Variants in CRADD observed in about 807,000 individuals in gnomAD.
The protein encoded by CRADD is CARD and death domain containing adaptor protein.
In CRADD, 9 loss-of-function variants were observed where a neutral mutation model predicts 15.5. The observed-to-expected ratio is 0.58, with a 90% CI of 0.35 to 1.01. The LOEUF (loss-of-function observed/expected upper bound fraction) is 1.01. Ranked by LOEUF, CRADD falls within the 50% of genes least tolerant of loss-of-function variation. The pLI, the probability that CRADD is intolerant of heterozygous loss-of-function variation, is 0.02. For missense variants in CRADD, 227 were observed against 250.3 expected (o/e 0.91, Z 0.63); for synonymous variants, 118 against 107.6 (o/e 1.10, Z -0.60).
chr12:93,840,745 T>C (rs1958037703), intron 2 of CRADD, among the ~76,000 whole-genome samples: 1 of 152,086 alleles, frequency 6.6e-6, no homozygotes, highest in Non-Finnish European at 1.5e-5. Flanking sequence ...TTTGTAATTT[T>C]AGTGGAGACG....
At chr12:93,791,212 T>C (rs1350414498) in intron 2 of CRADD, among the ~76,000 whole-genome samples, 13 of 152,148 alleles carry the variant, frequency 8.5e-5, no homozygotes, top group African/African-American at 2.9e-4. Flanking sequence ...AAGAGATAGC[T>C]GCACTGCCAT....
intron 2 of CRADD, among the ~76,000 whole-genome samples, chr12:93,892,064 AG>A (rs1958579801): frequency 6.6e-6 from 1 of 152,168 alleles, no homozygotes; most frequent in Admixed American, 6.5e-5. Context: ...CACTTTGCAA[AG>A]GAGAACAGAG....
At chr12:93,749,596 ATT>A (rs942788642) in intron 2 of CRADD, among the ~76,000 whole-genome samples, 9 of 151,232 alleles carry the variant, frequency 6.0e-5, no homozygotes, top group Non-Finnish European at 1.3e-4. Flanking sequence ...TTTCCTCTTT[ATT>A]TTTTAGGTTT....
chr12:93,821,793 T>C (rs1376197126), intron 2 of CRADD, among the ~76,000 whole-genome samples: 1 of 152,052 alleles, frequency 6.6e-6, no homozygotes, highest in Non-Finnish European at 1.5e-5. Context: ...GTCAGTTGGG[T>C]TTCCACTCTT....
At chr12:93,873,098 T>C (rs1350385929) in intron 2 of CRADD, among the ~76,000 whole-genome samples, 4 of 152,124 alleles carry the variant, frequency 2.6e-5, no homozygotes, top group Non-Finnish European at 5.9e-5. Flanking sequence ...CAGTGTTTTA[T>C]AGTTTTCATT....
intron 2 of CRADD, among the ~76,000 whole-genome samples, chr12:93,700,886 A>G (rs755014447): frequency 2.6e-5 from 4 of 151,922 alleles, no homozygotes; most frequent in Non-Finnish European, 5.9e-5. Context: ...TTTTTTCAGG[A>G]AGCCTTCCCA....
At chr12:93,749,466 C>T (rs971943948) in intron 2 of CRADD, among the ~76,000 whole-genome samples, 1 of 152,158 alleles carries the variant, frequency 6.6e-6, no homozygotes, top group Admixed American at 6.5e-5. Context: ...CAGAAGAGTC[C>T]ACTTTGCCTC....
intron 2 of CRADD, among the ~76,000 whole-genome samples, chr12:93,722,766 A>G (rs113935722): frequency 0.016 from 2,375 of 152,236 alleles, 70 homozygotes; most frequent in African/African-American, 0.055. Flanking sequence ...AATTAACCAT[A>G]GTTGTTTTAA....
intron 2 of CRADD, among the ~76,000 whole-genome samples, chr12:93,720,736 C>T (rs184767440): frequency 6.6e-6 from 1 of 152,218 alleles, no homozygotes; most frequent in Non-Finnish European, 1.5e-5. Context: ...GCTACTCCCA[C>T]TTGCTTTTGA....
intron 2 of CRADD, among the ~76,000 whole-genome samples, chr12:93,747,374 G>A (rs1381435644): frequency 1.3e-5 from 2 of 152,078 alleles, no homozygotes; most frequent in South Asian, 2.1e-4. Context: ...ACAGGGAGAC[G>A]GGAAAGCAAG....
chr12:93,839,194 T>G (rs1026928960), intron 2 of CRADD, among the ~76,000 whole-genome samples: 4 of 152,190 alleles, frequency 2.6e-5, no homozygotes, highest in African/African-American at 9.7e-5. Context: ...TGCTGTTTTG[T>G]ATTTCTATAT....
intron 2 of CRADD, among the ~76,000 whole-genome samples, chr12:93,774,070 A>G (rs1957116601): frequency 1.3e-5 from 2 of 149,822 alleles, no homozygotes; most frequent in African/African-American, 4.9e-5. Flanking sequence ...TCCTGGGCTC[A>G]AGTGATCCAC....
intron 2 of CRADD, among the ~76,000 whole-genome samples, chr12:93,716,662 G>A (rs1956169404): frequency 6.6e-6 from 1 of 152,034 alleles, no homozygotes; most frequent in Admixed American, 6.5e-5. Context: ...TCTTTTACTT[G>A]GCAATATGCA....
In CRADD at chr12:93,824,473, G is replaced by C. The variant is rs1008716778; in HGVS notation, c.299-25497G>C. On this transcript the variant is annotated intron_variant, in intron 2 of 2. Coordinates refer to ENST00000332896, the MANE Select transcript of CRADD (RefSeq NM_003805.5). The surrounding 1 kb of genome is among the most constrained non-coding windows in gnomAD (Gnocchi z 4.3). ...GAAGCAGGCTAAAAGAATATTACAT[G>C]GGGTTTTTGTGTTGTTTTGCTTATT... Among the ~76,000 whole-genome samples the C allele has an allele frequency of 5.9e-5, 9 of 151,656 alleles. No homozygotes were observed. Among genetic ancestry groups the C allele is most frequent in the African/African-American group, 2.2e-4 (9 of 41,236 alleles).
At chr12:93,715,923 C>A (rs962626555) in intron 2 of CRADD, among the ~76,000 whole-genome samples, 2 of 152,054 alleles carry the variant, frequency 1.3e-5, no homozygotes, top group African/African-American at 4.8e-5. Context: ...GGGGGGATCG[C>A]TTGAGGTCAG....
intron 2 of CRADD, among the ~76,000 whole-genome samples, chr12:93,727,124 GA>G (rs775427380): frequency 2.3e-4 from 35 of 152,208 alleles, no homozygotes; most frequent in Non-Finnish European, 4.6e-4. Context: ...AGATCGCCCT[GA>G]TTGAGCATTT....
At chr12:93,790,256 C>T (rs1052217640) in intron 2 of CRADD, among the ~76,000 whole-genome samples, 4 of 152,020 alleles carry the variant, frequency 2.6e-5, no homozygotes, top group Admixed American at 1.3e-4. Flanking sequence ...ATGGATGCTG[C>T]TGCTTTCTTC....
chr12:93,865,245 C>A (rs11107226), intron 2 of CRADD, among the ~76,000 whole-genome samples: 6,014 of 152,280 alleles, frequency 0.039, 178 homozygotes, highest in Admixed American at 0.098. Context: ...CCCACTCCCC[C>A]AACCCCTGCC....
At chr12:93,752,189 G>T (rs1183642121) in intron 2 of CRADD, among the ~76,000 whole-genome samples, 1 of 152,198 alleles carries the variant, frequency 6.6e-6, no homozygotes, top group Non-Finnish European at 1.5e-5. Flanking sequence ...GGTAAAGCAT[G>T]GCTTTTGCTG....
Sources: allele counts gnomAD v4.1 joint callset (sites outside exome capture counted in the v4.1 genomes callset), GRCh38; gene constraint gnomAD v4.1.1; non-coding constraint Gnocchi (gnomAD v3.1); transcripts MANE v1.5; gene names NCBI Gene and HGNC (gene_info 2026-07-23, HGNC 2026-07-21).